RAD51AP1: variants seen among roughly 807,000 people sequenced by gnomAD.
RAD51AP1 encodes the protein RAD51-associated protein 1.
RAD51AP1 carries 14 observed loss-of-function variants against 34.3 expected under a neutral mutation model. The observed-to-expected ratio is 0.41, with a 90% CI of 0.27 to 0.64. RAD51AP1 has a LOEUF of 0.64. Among genes scored for constraint, RAD51AP1 ranks in the 30% least tolerant of loss-of-function variants. The pLI is 0.33. For missense variants in RAD51AP1, 348 were observed against 386.9 expected, an observed-to-expected ratio of 0.90 and a Z score of 0.84; for synonymous variants, 114 against 129.8, an observed-to-expected ratio of 0.88 and a Z score of 0.83.
At position 4,548,131 on chromosome 12, in the gene RAD51AP1, A is replaced by G. The variant is rs1944519809; in HGVS notation, c.359A>G (p.Asn120Ser). 3 of 1,602,512 alleles carry G rather than the reference A, an allele frequency of 1.9e-6. No individual in the cohort carries two copies. Among genetic ancestry groups the G allele is most frequent in the African/African-American group, 1.3e-5 (1 of 74,230 alleles). Residue 120 changes from asparagine to serine, a missense_variant, in exon 5 of 9, where the codon AAT becomes AGT. Coordinates refer to ENST00000352618, the MANE Select transcript of RAD51AP1 (RefSeq NM_006479.5). ...KHGSSKIETM[N>S]KSPHISNCSV... The stretch of plus-strand genomic sequence containing the variant: ...GGCAGTAGTAAAATAGAAACAATGA[A>G]TAAGTCTCCTCATATCTCTAATTGC...
At chr12:4,538,996 C>T in intron 1 of RAD51AP1, 40 bp downstream of exon 1, 1 of 1,605,002 alleles carries the variant, frequency 6.2e-7, no homozygotes, top group South Asian at 1.1e-5. Context: ...GGGAGGAAAA[C>T]TAAGGGAAAA....
intron 3 of RAD51AP1, chr12:4,545,732 G>A (rs1462890412): frequency 2.5e-6 from 4 of 1,601,306 alleles, no homozygotes; most frequent in Non-Finnish European, 3.4e-6. Context: ...GCCTTTTATA[G>A]GATAATTATT....
intron 2 of RAD51AP1, among the ~76,000 whole-genome samples, chr12:4,542,328 T>G (rs11063220): frequency 0.25 from 38,209 of 152,184 alleles, 5,503 homozygotes; most frequent in African/African-American, 0.38. Flanking sequence ...TAGGCTTATG[T>G]TATGCCTTTT....
intron 6 of RAD51AP1, chr12:4,550,412 C>T (rs77550950): frequency 0.022 from 3,348 of 152,316 alleles, 46 homozygotes; most frequent in South Asian, 0.04. Context: ...GAAAGTTCCT[C>T]TACCCCTTGC....
At chr12:4,556,536 G>A (rs917116827) in intron 8 of RAD51AP1, 34 bp downstream of exon 8, 2 of 1,589,108 alleles carry the variant, frequency 1.3e-6, no homozygotes, top group Non-Finnish European at 8.6e-7. Flanking sequence ...ACAGGAGCTT[G>A]GAAAATTATC....
chr12:4,540,434 G>C (rs1330259646), intron 1 of RAD51AP1, among the ~76,000 whole-genome samples: 1 of 151,806 alleles, frequency 6.6e-6, no homozygotes, highest in Non-Finnish European at 1.5e-5. Flanking sequence ...CTTTTTCGCT[G>C]CTTTGTCATT....
intron 1 of RAD51AP1, among the ~76,000 whole-genome samples, chr12:4,539,500 A>G (rs1017518957): frequency 2.0e-5 from 3 of 152,176 alleles, no homozygotes; most frequent in African/African-American, 7.2e-5. Context: ...TAATAAAGTT[A>G]TTGAATATAT....
At chr12:4,553,330 C>T (rs1944560142) in intron 7 of RAD51AP1, 183 bp downstream of exon 7, 1 of 450,030 alleles carries the variant, frequency 2.2e-6, no homozygotes, top group South Asian at 2.6e-5. Context: ...GACTCCACTA[C>T]GTATGCTAGC....
chr12:4,548,070 C>CT (rs1214477638), intron 4 of RAD51AP1, 22 bp from the exon 5 acceptor site: 1 of 1,567,622 alleles, frequency 6.4e-7, no homozygotes, highest in African/African-American at 1.4e-5. Context: ...TCTGAATTTT[C>CT]TTTCTTATTC....
At chr12:4,553,280 A>G (rs1011607243) in intron 7 of RAD51AP1, 133 bp downstream of exon 7, 8 of 753,644 alleles carry the variant, frequency 1.1e-5, no homozygotes, top group Non-Finnish European at 1.6e-5. Flanking sequence ...ATGTAAAAGG[A>G]AGGTGGGGTG....
At chr12:4,550,863 C>T (rs953208973) in intron 6 of RAD51AP1, among the ~76,000 whole-genome samples, 1 of 152,170 alleles carries the variant, frequency 6.6e-6, no homozygotes, top group Non-Finnish European at 1.5e-5. Flanking sequence ...TGGTCTTGAA[C>T]TCCTGACCTC....
intron 3 of RAD51AP1, among the ~76,000 whole-genome samples, chr12:4,544,792 C>T (rs940673381): frequency 6.6e-6 from 1 of 152,068 alleles, no homozygotes; most frequent in Non-Finnish European, 1.5e-5. Flanking sequence ...TAGACTTTCT[C>T]CAGAGAAGAT....
At chr12:4,551,149 A>C (rs962035258) in intron 6 of RAD51AP1, among the ~76,000 whole-genome samples, 4 of 152,102 alleles carry the variant, frequency 2.6e-5, no homozygotes, top group South Asian at 2.1e-4. Context: ...CCACCAAAAA[A>C]AGCGAGCCTG....
At chr12:4,541,606 G>A (rs2137241666) in intron 1 of RAD51AP1, among the ~76,000 whole-genome samples, 1 of 152,012 alleles carries the variant, frequency 6.6e-6, no homozygotes, top group African/African-American at 2.4e-5. Context: ...ACAATACCCA[G>A]GTATATCAGG....
chr12:4,548,895 GA>G, intron 6 of RAD51AP1, 59 bp downstream of exon 6: 1 of 1,570,480 alleles, frequency 6.4e-7, no homozygotes, highest in South Asian at 1.2e-5. Flanking sequence ...AAAGTTCTTG[GA>G]AGCTATTAAT....
rs558499003 is a variant in RAD51AP1 at position 4,549,189 on chromosome 12, C to T, written c.556+353C>T. On this transcript the variant is annotated intron_variant, in intron 6 of 8. Transcript: ENST00000352618. The stretch of plus-strand genomic sequence containing the variant: ...GCTCGAGAGGGAGGCTGGTACTAAT[C>T]AGGGAGGGTCTCAGACCCACTGGAA... Among the ~76,000 whole-genome samples the T allele has an allele frequency of 2.6e-5, 4 of 152,234 alleles. No individual in the cohort carries two copies. The South Asian group carries it at 8.3e-4, about 32-fold the overall frequency.
chr12:4,543,603 A>G (rs1168760808), intron 2 of RAD51AP1, among the ~76,000 whole-genome samples, 160 bp from the exon 3 acceptor site: 1 of 152,236 alleles, frequency 6.6e-6, no homozygotes, highest in Non-Finnish European at 1.5e-5. Context: ...GTCGAAATAG[A>G]TAAATGAGAG....
intron 7 of RAD51AP1, among the ~76,000 whole-genome samples, chr12:4,554,227 G>A (rs946303252): frequency 2.0e-5 from 3 of 152,186 alleles, no homozygotes; most frequent in Non-Finnish European, 2.9e-5. Context: ...TTCTTGGCTT[G>A]TGGCCCCTTC....
intron 7 of RAD51AP1, among the ~76,000 whole-genome samples, chr12:4,555,991 G>C (rs1166188721): frequency 6.6e-6 from 1 of 152,194 alleles, no homozygotes; most frequent in African/African-American, 2.4e-5. Context: ...ATTGTGTAAT[G>C]GTTAGTTACA....
Sources: allele counts gnomAD v4.1 joint callset (sites outside exome capture counted in the v4.1 genomes callset), GRCh38; gene constraint gnomAD v4.1.1; transcripts MANE v1.5; gene names NCBI Gene and HGNC (gene_info 2026-07-23, HGNC 2026-07-21).